WASHC2A: variants seen among roughly 807,000 people sequenced by gnomAD.
WASHC2A encodes WASH complex subunit FAM21A.
WASHC2A carries 82 observed loss-of-function variants against 140.3 expected under a neutral mutation model. The observed-to-expected ratio is 0.58, with a 90% CI of 0.49 to 0.70. The LOEUF (loss-of-function observed/expected upper bound fraction) is 0.70. WASHC2A is among the 30% of genes least tolerant of loss of function. WASHC2A has a pLI of 0.00. For missense variants in WASHC2A, 985 were observed against 1,521.8 expected (o/e 0.65, Z 5.87); for synonymous variants, 340 against 560.8 (o/e 0.61, Z 5.56).
rs782497536 is a variant in WASHC2A at position 50,104,052 on chromosome 10, C to T, written c.1646C>T (p.Ser549Phe). The T allele has an allele frequency of 1.3e-6, 2 of 1,526,298 alleles. No individual in the cohort carries two copies. Among genetic ancestry groups the T allele is most frequent in the Non-Finnish European group, 1.8e-6 (2 of 1,107,750 alleles). The allele number at this position is 1,526,298 out of a possible 1,614,324, so 94.5% of individuals were successfully genotyped here. A position where few individuals can be genotyped will look rare whatever the true frequency, so the allele number is the denominator to read the frequency against. Residue 549 changes from serine to phenylalanine, a missense_variant, in exon 18 of 31, where the codon TCT becomes TTT. Ser to Phe is a radical substitution (Grantham distance 155). Coordinates refer to ENST00000282633, the MANE Select transcript of WASHC2A (RefSeq NM_001005751.3). ...SDEEDSEDLF[S>F]SQSASKLKGA... ...ATTTCAATCCAACAGGATTTGTTTT[C>T]TTCTCAAAGTGCGAGTAAGTTAAAA...
chr10:50,080,188 T>C (rs1838770406), intron 4 of WASHC2A, among the ~76,000 whole-genome samples: 2 of 152,150 alleles, frequency 1.3e-5, no homozygotes, highest in Admixed American at 6.5e-5. Flanking sequence ...AACAAACCTT[T>C]TTTCTTGAGT....
intron 21 of WASHC2A, among the ~76,000 whole-genome samples, chr10:50,116,511 CA>C (rs1298644475): frequency 4.2e-5 from 6 of 143,174 alleles, no homozygotes; most frequent in African/African-American, 1.3e-4. Context: ...GACGGGGTTT[CA>C]CTTTGTTAGC....
At chr10:50,071,547 C>T (rs1180720864) in intron 3 of WASHC2A, among the ~76,000 whole-genome samples, 4 of 151,794 alleles carry the variant, frequency 2.6e-5, no homozygotes, top group Non-Finnish European at 4.4e-5. Flanking sequence ...CCTCGTGATC[C>T]GCCCACCTCG....
intron 22 of WASHC2A, 70 bp downstream of exon 22, chr10:50,118,128 C>G (rs1842814383): frequency 1.4e-6 from 2 of 1,435,842 alleles, no homozygotes; most frequent in African/African-American, 1.4e-5. Context: ...CACACAACCC[C>G]TTAAGTTTTT....
chr10:50,074,911 G>A (rs1481833344), intron 3 of WASHC2A, among the ~76,000 whole-genome samples: 15 of 150,686 alleles, frequency 1.0e-4, no homozygotes, highest in East Asian at 3.9e-4. Flanking sequence ...GCAAGACTCC[G>A]TCTCAAAAAA....
rs1345486694 is a variant in WASHC2A at position 50,069,696 on chromosome 10, C to T, written c.276C>T (p.Thr92=). Residue 92 remains threonine, a synonymous_variant, in exon 3 of 31, where the codon ACC becomes ACT. Coordinates refer to ENST00000282633, the MANE Select transcript of WASHC2A (RefSeq NM_001005751.3). ...ATGACTTCCTTATGCTCTCTAATAC[C>T]CAGTTCATTGAGAATGTGAGTTATT... ...VFNDFLMLSN[T]QFIENRVYDE... is the part of the protein sequence containing the mutation. 15 of 1,612,696 alleles carry T rather than the reference C, an allele frequency of 9.3e-6. No homozygotes were observed. Among genetic ancestry groups the T allele is most frequent in the African/African-American group, 1.3e-5 (1 of 74,862 alleles).
Position 50,126,166 on chromosome 10 carries a change from C to T in WASHC2A, c.2798C>T (p.Pro933Leu), listed in dbSNP as rs782699022. 1.3e-5 allele frequency: 21 copies of T among 1,613,200 alleles called. No homozygotes were observed. In the South Asian group the frequency reaches 1.3e-4, roughly 10 times the overall value. The change falls in exon 26 of 31, where the codon CCG becomes CTG. Residue 933 changes from proline to leucine, a missense_variant. Physicochemically the swap from Pro to Leu is moderately conservative, Grantham distance 98. Coordinates refer to ENST00000282633, the MANE Select transcript of WASHC2A (RefSeq NM_001005751.3). ...QGSKEKGIWK[P>L]ETPQDSSGLA... ...AGTAAAGAAAAAGGCATATGGAAGC[C>T]GGAAACACCTCAGGTTAGAAATCCT...
chr10:50,095,044 G>C, intron 13 of WASHC2A, 104 bp from the exon 14 acceptor site: 2 of 1,592,784 alleles, frequency 1.3e-6, no homozygotes, highest in Non-Finnish European at 1.7e-6. Context: ...GGTTTCAAAA[G>C]GTCTGATACT....
intron 6 of WASHC2A, among the ~76,000 whole-genome samples, chr10:50,085,099 C>T (rs1309779590): frequency 2.3e-5 from 2 of 85,638 alleles, no homozygotes; most frequent in Admixed American, 1.2e-4. Flanking sequence ...CACATTTTGC[C>T]GTTTGTCCCA....
intron 4 of WASHC2A, 121 bp downstream of exon 4, chr10:50,078,858 G>C: frequency 6.3e-7 from 1 of 1,592,204 alleles, no homozygotes; most frequent in Non-Finnish European, 8.6e-7. Flanking sequence ...GACTGCTCCT[G>C]ACAGCAGCCC....
At chr10:50,081,757 C>T (rs1445413447) in intron 5 of WASHC2A, among the ~76,000 whole-genome samples, 1 of 151,742 alleles carries the variant, frequency 6.6e-6, no homozygotes, top group Non-Finnish European at 1.5e-5. Flanking sequence ...CCCAGCCTCC[C>T]GAGTAGCTGG....
chr10:50,078,912 C>G (rs1838630882), intron 4 of WASHC2A, among the ~76,000 whole-genome samples, 175 bp downstream of exon 4: 1 of 152,144 alleles, frequency 6.6e-6, no homozygotes, highest in African/African-American at 2.4e-5. Flanking sequence ...AGTGTATTAA[C>G]TAATACAGAG....
Position 50,091,404 on chromosome 10 carries a change from C to A in WASHC2A, c.844-27C>A, listed in dbSNP as rs1257487182. 42 of 1,548,330 alleles carry A rather than the reference C, an allele frequency of 2.7e-5. 1 individual carries two copies. The highest frequency in any genetic ancestry group is 2.3e-4 in the Middle Eastern group (1 of 4,382). ...AGTGTACTAGTTTGTTACAAAAAAG[C>A]GATTCTTTTGATTTCTCCTGCTGTA... On this transcript the variant is annotated intron_variant, in intron 9 of 30. Transcript: ENST00000282633.
chr10:50,088,540 A>T (rs1839596013), intron 8 of WASHC2A, among the ~76,000 whole-genome samples: 1 of 151,716 alleles, frequency 6.6e-6, no homozygotes, highest in Non-Finnish European at 1.5e-5. Context: ...GATTACAGGT[A>T]TGAGCCACCA....
intron 17 of WASHC2A, among the ~76,000 whole-genome samples, chr10:50,101,931 C>G (rs1554886961): frequency 1.3e-5 from 2 of 152,150 alleles, no homozygotes; most frequent in African/African-American, 4.8e-5. Flanking sequence ...TACATGCTGG[C>G]TCAGGGCTGT....
Position 50,097,818 on chromosome 10 carries a change from G to T in WASHC2A, c.1548+16G>T, listed in dbSNP as rs1554885188. 2 of 1,610,902 alleles carry T rather than the reference G, an allele frequency of 1.2e-6. No individual in the cohort carries two copies. The highest frequency in any genetic ancestry group is 2.7e-5 in the African/African-American group (2 of 74,690). On this transcript the variant is annotated intron_variant, in intron 16 of 30. Transcript: ENST00000282633. ...AGAAAAAAAGGTGAGCAGGAGGGAA[G>T]ACTTAACGCAGGAGCATTGATCTGC...
At chr10:50,109,451 G>T (rs1842077806) in intron 19 of WASHC2A, among the ~76,000 whole-genome samples, 1 of 152,062 alleles carries the variant, frequency 6.6e-6, no homozygotes, top group Admixed American at 6.6e-5. Flanking sequence ...TGAGTTCTTG[G>T]TATTTTTACA....
At chr10:50,089,324 GGTTGGTTTT>G (rs1839673239) in intron 8 of WASHC2A, among the ~76,000 whole-genome samples, 2 of 148,570 alleles carry the variant, frequency 1.3e-5, no homozygotes, top group Non-Finnish European at 3.0e-5. Flanking sequence ...TTATGCAACA[GGTTGGTTTT>G]GTGTGCTGCA....
chr10:50,102,532 C>T (rs1405544185), intron 17 of WASHC2A, among the ~76,000 whole-genome samples: 2 of 152,064 alleles, frequency 1.3e-5, no homozygotes, highest in African/African-American at 4.8e-5. Context: ...CTGGAATTCC[C>T]CTTGTGGCCT....
Sources: gnomAD v4.1 joint callset for allele counts (sites outside exome capture counted in the v4.1 genomes callset) on GRCh38, gnomAD v4.1.1 for gene constraint, MANE v1.5 for transcripts, NCBI Gene and HGNC (gene_info 2026-07-23, HGNC 2026-07-21) for gene names.